The following CNKSR2 variants were observed in gnomAD, a reference collection of about 807,000 sequenced individuals.
The protein encoded by CNKSR2 is CNK homolog protein 2.
Under a neutral mutation model 84.4 loss-of-function variants are expected in CNKSR2, and 14 were observed. That is an observed-to-expected ratio of 0.17 (90% CI 0.11 to 0.26). CNKSR2 has a LOEUF of 0.26. Ranked by LOEUF, CNKSR2 falls within the 10% of genes least tolerant of loss-of-function variation. CNKSR2 has a pLI of 1.00. For missense variants in CNKSR2, 485 were observed against 771.2 expected, an observed-to-expected ratio of 0.63 and a Z score of 4.40; for synonymous variants, 275 against 277.9, an observed-to-expected ratio of 0.99 and a Z score of 0.10.
At chrX:21,504,893 T>C in intron 8 of CNKSR2, 1 of 291,085 alleles carries the variant, frequency 3.4e-6, no homozygotes, top group Non-Finnish European at 6.0e-6. Flanking sequence ...GCAGACTGAG[T>C]CTTATTACAT....
intron 3 of CNKSR2, among the ~76,000 whole-genome samples, chrX:21,433,194 T>A (rs996929612): frequency 2.7e-5 from 3 of 111,858 alleles, no homozygotes; most frequent in African/African-American, 9.7e-5. Context: ...TTCTATAAAC[T>A]GTTTTAAATA....
chrX:21,376,043 G>A (rs1167843225), intron 1 of CNKSR2, among the ~76,000 whole-genome samples: 4 of 112,132 alleles, frequency 3.6e-5, no homozygotes, highest in Admixed American at 1.9e-4. Flanking sequence ...CGCTTTGCTC[G>A]AGGTCATACC....
At chrX:21,595,902 C>CA (rs777252473) in intron 17 of CNKSR2, among the ~76,000 whole-genome samples, 258 of 111,721 alleles carry the variant, frequency 2.3e-3, no homozygotes, top group African/African-American at 7.9e-3. Context: ...CTTATATGTA[C>CA]ATTTTTTTTC....
Position 21,513,051 on chromosome X carries a change from T to TA in CNKSR2, c.811-3433dup, listed in dbSNP as rs768561472. Among the ~76,000 whole-genome samples, 12 of 112,223 alleles carry TA rather than the reference T, an allele frequency of 1.1e-4. No individual in the cohort carries two copies. The East Asian group carries it at 3.4e-3, about 31-fold the overall frequency. On this transcript the variant is annotated intron_variant, in intron 8 of 21. Transcript: ENST00000379510. ...ATAAATAAAAAGAATGTAACATAGA[T>TA]ATGAAGAATCTAGCACAGTGAATTG...
rs376627210 is a variant in CNKSR2, at chrX:21,527,016, G to A, written c.1091+16G>A. 2.8e-5 allele frequency: 34 copies of A among 1,194,434 alleles called. No homozygotes were observed. The highest frequency in any genetic ancestry group is 3.6e-5 in the African/African-American group (2 of 56,240). On this transcript the variant is annotated intron_variant, in intron 10 of 21. Coordinates refer to ENST00000379510, the MANE Select transcript of CNKSR2 (RefSeq NM_014927.5). ...ATATTCCCAGGTATAAAACTATCAC[G>A]TTGTCCTAGGCAGCTTCTAGCTAAA...
intron 10 of CNKSR2, among the ~76,000 whole-genome samples, chrX:21,527,920 C>G (rs2091850193): frequency 9.0e-6 from 1 of 110,731 alleles, no homozygotes; most frequent in African/African-American, 3.3e-5. Context: ...CTTAGTGTTT[C>G]AGAAATCTGT....
intron 8 of CNKSR2, among the ~76,000 whole-genome samples, chrX:21,511,630 A>G (rs1365911025): frequency 9.0e-6 from 1 of 110,911 alleles, no homozygotes; most frequent in African/African-American, 3.3e-5. Context: ...AAGCAGAGGG[A>G]AGAGTGGTTT....
chrX:21,418,293 G>T (rs2090449348), intron 1 of CNKSR2, among the ~76,000 whole-genome samples: 1 of 111,561 alleles, frequency 9.0e-6, no homozygotes, highest in Admixed American at 9.5e-5. Flanking sequence ...TCATTGTTTA[G>T]TCTTTCTGCT....
Position 21,609,597 on chromosome X carries a change from G to A in CNKSR2, c.2672G>A (p.Gly891Glu), listed in dbSNP as rs2092539471. The A allele has an allele frequency of 1.7e-6, 2 of 1,202,325 alleles. No individual in the cohort carries two copies. Among genetic ancestry groups the A allele is most frequent in the Non-Finnish European group, 2.2e-6 (2 of 892,256 alleles). The change falls in exon 20 of 22, where the codon GGG becomes GAG. Residue 891 changes from glycine (G) to glutamate (E), a missense_variant. Physicochemically the swap from Gly to Glu is moderately conservative, Grantham distance 98. Coordinates refer to ENST00000379510, the MANE Select transcript of CNKSR2 (RefSeq NM_014927.5). Reference protein sequence around the residue: ...EEEEEEGEAAGENIGEKSESR... With the variant: ...EEEEEEGEAAEENIGEKSESR... ...GAGGAGGAGGAAGGGGAGGCAGCAG[G>A]GGAAAACATAGGAGAAAAAAGTAAG...
intron 8 of CNKSR2, chrX:21,503,655 A>G (rs1281481450): frequency 7.8e-6 from 1 of 127,624 alleles, no homozygotes; most frequent in Non-Finnish European, 1.6e-5. Flanking sequence ...ATGTAAGTAA[A>G]TCTCAGGATT....
chrX:21,379,566 G>A (rs1032343427), intron 1 of CNKSR2, among the ~76,000 whole-genome samples: 4 of 112,184 alleles, frequency 3.6e-5, no homozygotes, highest in African/African-American at 1.3e-4. Context: ...ATTAACATTT[G>A]CTCCTTAATG....
intron 1 of CNKSR2, chrX:21,425,872 A>G (rs1245680925): frequency 8.9e-6 from 1 of 111,858 alleles, no homozygotes; most frequent in Non-Finnish European, 1.9e-5. Context: ...AGGTGAGGAA[A>G]TAAGGGTAAG....
chrX:21,565,072 A>T (rs951139055), intron 13 of CNKSR2, among the ~76,000 whole-genome samples: 1 of 111,502 alleles, frequency 9.0e-6, no homozygotes, highest in Non-Finnish European at 1.9e-5. Context: ...AAGTTTGAAG[A>T]TGAGGGACAG....
intron 1 of CNKSR2, among the ~76,000 whole-genome samples, chrX:21,377,360 ATAAAGT>A (rs1386829984): frequency 8.9e-6 from 1 of 112,364 alleles, no homozygotes; most frequent in Admixed American, 9.4e-5. Context: ...TTTTCCCCAA[ATAAAGT>A]TAAACAAAGG....
intron 1 of CNKSR2, among the ~76,000 whole-genome samples, chrX:21,388,531 G>A (rs918424211): frequency 6.3e-5 from 7 of 111,826 alleles, no homozygotes; most frequent in Non-Finnish European, 1.3e-4. Flanking sequence ...AATGATGAGG[G>A]CATGTAAAAG....
intron 4 of CNKSR2, among the ~76,000 whole-genome samples, chrX:21,457,026 T>C (rs1238477556): frequency 8.9e-6 from 1 of 111,750 alleles, no homozygotes; most frequent in Non-Finnish European, 1.9e-5. Context: ...TGGGAAAATA[T>C]CTAGTCAGGT....
chrX:21,529,328 A>G (rs368362327), intron 10 of CNKSR2, among the ~76,000 whole-genome samples: 2 of 111,391 alleles, frequency 1.8e-5, no homozygotes, highest in South Asian at 3.7e-4. Flanking sequence ...GCATTTTATT[A>G]TATGTCTTGT....
intron 21 of CNKSR2, among the ~76,000 whole-genome samples, chrX:21,650,105 A>G (rs969642313): frequency 1.8e-5 from 2 of 111,549 alleles, no homozygotes; most frequent in African/African-American, 6.5e-5. Context: ...AAATCATTCT[A>G]CTATAAAGAC....
At chrX:21,607,929 C>T (rs2092527456) in intron 19 of CNKSR2, 1 of 111,129 alleles carries the variant, frequency 9.0e-6, no homozygotes, top group Admixed American at 9.6e-5. Flanking sequence ...AATAGCTAAC[C>T]TAATTCCATC....
Sources: allele counts gnomAD v4.1 joint callset (sites outside exome capture counted in the v4.1 genomes callset), GRCh38; gene constraint gnomAD v4.1.1; transcripts MANE v1.5; gene names NCBI Gene and HGNC (gene_info 2026-07-23, HGNC 2026-07-21).